CEMIP2: variants seen among roughly 807,000 people sequenced by gnomAD.
CEMIP2 encodes cell migration inducing hyaluronidase 2.
Under a neutral mutation model 146.9 loss-of-function variants are expected in CEMIP2, and 79 were observed. The ratio of observed to expected loss-of-function variants is 0.54; its 90% CI spans 0.45 to 0.65. The LOEUF (loss-of-function observed/expected upper bound fraction) is 0.65. Ranked by LOEUF, CEMIP2 falls within the 30% of genes least tolerant of loss-of-function variation. The pLI is 0.00. For missense variants in CEMIP2, 1,596 were observed against 1,696.2 expected, an observed-to-expected ratio of 0.94 and a Z score of 1.04; for synonymous variants, 601 against 606.3, an observed-to-expected ratio of 0.99 and a Z score of 0.13.
Position 71,716,405 on chromosome 9 carries a change from T to A in CEMIP2, c.2435+112A>T. Reference sequence around the variant, plus strand: ...AGTGGCATCAGGAAGAGGTTGCTAATTTTTTTTATGTTAAAAAAAATAATA... The same window carrying A: ...AGTGGCATCAGGAAGAGGTTGCTAAATTTTTTTATGTTAAAAAAAATAATA... On this transcript the variant is annotated intron_variant, in intron 14 of 23. Coordinates refer to ENST00000377044, the MANE Select transcript of CEMIP2 (RefSeq NM_013390.3). 4.4e-6 allele frequency: 4 copies of A among 904,960 alleles called. No individual in the cohort carries two copies. In the South Asian group the frequency reaches 6.9e-5, roughly 16 times the overall value. 56.1% of individuals were successfully genotyped at this position (904,960 alleles called of 1,614,324 possible). A position where few individuals can be genotyped will look rare whatever the true frequency, so the allele number is the denominator to read the frequency against.
Position 71,694,521 on chromosome 9 carries a change from C to A in CEMIP2, c.3684G>T (p.Pro1228=), listed in dbSNP as rs139406317. ...AGATGGTACTTACAGAAATAACAGACGGGTCTCCACGCTGGGTTTCTGCTT... is the reference window on the plus strand; with the variant it reads ...AGATGGTACTTACAGAAATAACAGAAGGGTCTCCACGCTGGGTTTCTGCTT... ...PDKAETQRGD[P]SVISVNGTDF... The change falls in exon 21 of 24, where the codon CCG becomes CCT. Residue 1228 remains proline, a synonymous_variant. Transcript: ENST00000377044. 1.2e-6 allele frequency: 2 copies of A among 1,613,016 alleles called. No individual in the cohort carries two copies. The highest frequency in any genetic ancestry group is 1.7e-6 in the Non-Finnish European group (2 of 1,179,344).
intron 10 of CEMIP2, among the ~76,000 whole-genome samples, chr9:71,728,261 GTATATATATATATATATATGTA>G (rs1564012304): frequency 0.026 from 131 of 5,000 alleles, 6 homozygotes; most frequent in Middle Eastern, 0.083. Context: ...GTATATACAC[GTATATATATATATATATATGTA>G]TATATATATA....
At chr9:71,735,403 G>C (rs952536512) in intron 5 of CEMIP2, among the ~76,000 whole-genome samples, 1 of 152,130 alleles carries the variant, frequency 6.6e-6, no homozygotes, top group African/African-American at 2.4e-5. Context: ...GCAGAGGATA[G>C]GTCTGTAATA....
chr9:71,729,625 A>C (rs571075407), intron 10 of CEMIP2, among the ~76,000 whole-genome samples: 5 of 152,038 alleles, frequency 3.3e-5, no homozygotes, highest in Admixed American at 3.3e-4. Context: ...CTCGAGAAAA[A>C]AAAAAAAAAT....
intron 17 of CEMIP2, among the ~76,000 whole-genome samples, chr9:71,706,258 A>T (rs1188016241): frequency 2.0e-5 from 3 of 151,250 alleles, no homozygotes; most frequent in African/African-American, 7.3e-5. Flanking sequence ...AAAAAAGCAC[A>T]TATTCCACTA....
chr9:71,728,646 C>A (rs972093503), intron 10 of CEMIP2, among the ~76,000 whole-genome samples: 4 of 151,878 alleles, frequency 2.6e-5, no homozygotes, highest in Non-Finnish European at 5.9e-5. Context: ...TGTTTTAATT[C>A]ATCATAACGA....
intron 1 of CEMIP2, among the ~76,000 whole-genome samples, chr9:71,758,095 A>G (rs1243938412): frequency 6.6e-6 from 1 of 152,196 alleles, no homozygotes; most frequent in African/African-American, 2.4e-5. Context: ...GATAATATAC[A>G]TTTTTTAAAA....
intron 3 of CEMIP2, 101 bp downstream of exon 3, chr9:71,746,100 G>A: frequency 7.5e-7 from 1 of 1,335,904 alleles, no homozygotes; most frequent in East Asian, 2.4e-5. Context: ...ACAAACTAAA[G>A]CCTATTCTGC....
chr9:71,707,992 C>A (rs1822800043), intron 17 of CEMIP2, among the ~76,000 whole-genome samples: 1 of 152,146 alleles, frequency 6.6e-6, no homozygotes, highest in African/African-American at 2.4e-5. Flanking sequence ...CAAGACCATC[C>A]TGGCTAACAC....
At chr9:71,700,494 G>A (rs942548601) in intron 19 of CEMIP2, 148 bp downstream of exon 19, 3 of 783,514 alleles carry the variant, frequency 3.8e-6, no homozygotes, top group Admixed American at 7.0e-5. Flanking sequence ...AGCCATTCTA[G>A]TTCCCCTCTA....
At chr9:71,688,281 C>T (rs1278901085) in intron 22 of CEMIP2, among the ~76,000 whole-genome samples, 2 of 151,794 alleles carry the variant, frequency 1.3e-5, no homozygotes, top group African/African-American at 4.8e-5. Context: ...TCAAGGATAC[C>T]TACAGGAAGT....
At chr9:71,766,394 T>C (rs1337546463) in intron 1 of CEMIP2, among the ~76,000 whole-genome samples, 4 of 152,188 alleles carry the variant, frequency 2.6e-5, no homozygotes, top group African/African-American at 4.8e-5. Flanking sequence ...CTTTCTAAAA[T>C]GTGGCTTGTC....
At chr9:71,723,731 G>A (rs1427519588) in intron 11 of CEMIP2, among the ~76,000 whole-genome samples, 1 of 152,166 alleles carries the variant, frequency 6.6e-6, no homozygotes. Flanking sequence ...GACTAGTACA[G>A]ATTCGGGAGG....
intron 1 of CEMIP2, among the ~76,000 whole-genome samples, chr9:71,755,880 T>C (rs1824420282): frequency 7.0e-6 from 1 of 142,784 alleles, no homozygotes; most frequent in African/African-American, 2.7e-5. Context: ...GAGGATCACT[T>C]GAGCCTGGGA....
At chr9:71,701,472 ACT>A (rs911059668) in intron 18 of CEMIP2, among the ~76,000 whole-genome samples, 2 of 152,170 alleles carry the variant, frequency 1.3e-5, no homozygotes, top group African/African-American at 2.4e-5. Context: ...AGACTTAGAC[ACT>A]CTAAAAAGAT....
At chr9:71,729,235 C>G (rs894229174) in intron 10 of CEMIP2, among the ~76,000 whole-genome samples, 2 of 152,092 alleles carry the variant, frequency 1.3e-5, no homozygotes, top group East Asian at 3.8e-4. Context: ...GTACTTAATA[C>G]ACCAAAAATA....
rs781274356 is a variant in CEMIP2 at position 71,745,141 on chromosome 9, T to C, written c.911A>G (p.Gln304Arg). 4 of 1,614,182 alleles carry C rather than the reference T, an allele frequency of 2.5e-6. No individual in the cohort carries two copies. Among genetic ancestry groups the C allele is most frequent in the Non-Finnish European group, 3.4e-6 (4 of 1,180,006 alleles). The change falls in exon 4 of 24, where the codon CAG becomes CGG. Residue 304 changes from glutamine to arginine, a missense_variant. By Grantham distance (43) the Gln-to-Arg change is conservative (BLOSUM62 1). Coordinates refer to ENST00000377044, the MANE Select transcript of CEMIP2 (RefSeq NM_013390.3). The part of the protein sequence containing the change: ...SRRLQEFLRF[Q>R]DPGRIVAIAV... Reference sequence around the variant, plus strand: ...TATGGCAACAATCCGACCTGGATCCTGGAATCTCAGAAACTCCTGAAGCCG... The same window carrying C: ...TATGGCAACAATCCGACCTGGATCCCGGAATCTCAGAAACTCCTGAAGCCG...
intron 14 of CEMIP2, among the ~76,000 whole-genome samples, chr9:71,715,625 G>GAT (rs71790721): frequency 0.026 from 3,077 of 119,020 alleles, 116 homozygotes; most frequent in African/African-American, 0.069. Flanking sequence ...TCCCTCTTAA[G>GAT]ATATATATAT....
chr9:71,712,036 C>T, intron 16 of CEMIP2, 47 bp downstream of exon 16: 1 of 1,590,438 alleles, frequency 6.3e-7, no homozygotes, highest in Non-Finnish European at 8.6e-7. Flanking sequence ...TGCTATCCCT[C>T]CTTTTTTCAC....
Sources: allele counts gnomAD v4.1 joint callset (sites outside exome capture counted in the v4.1 genomes callset), GRCh38; gene constraint gnomAD v4.1.1; transcripts MANE v1.5; gene names NCBI Gene and HGNC (gene_info 2026-07-23, HGNC 2026-07-21).